Variants in ATP1B3 observed in about 807,000 individuals in gnomAD.
ATP1B3 encodes the protein sodium/potassium-transporting ATPase subunit beta-3.
ATP1B3 carries 10 observed loss-of-function variants against 30.2 expected under a neutral mutation model. The observed-to-expected ratio is 0.33, with a 90% CI of 0.20 to 0.56. The LOEUF (loss-of-function observed/expected upper bound fraction) is 0.56, where lower values mean the gene tolerates loss of function less well. Among genes scored for constraint, ATP1B3 ranks in the 20% least tolerant of loss-of-function variants. ATP1B3 has a pLI of 0.90. For missense variants in ATP1B3, 238 were observed against 336.7 expected (o/e 0.71, Z 2.29); for synonymous variants, 113 against 117.0 (o/e 0.97, Z 0.22).
chr3:141,907,771 G>A (rs1013077048), intron 3 of ATP1B3, among the ~76,000 whole-genome samples: 2 of 152,074 alleles, frequency 1.3e-5, no homozygotes, highest in Non-Finnish European at 2.9e-5. Flanking sequence ...TTGTGAGACT[G>A]TTCTAACTAT....
At chr3:141,882,353 A>G (rs557289763) in intron 1 of ATP1B3, among the ~76,000 whole-genome samples, 13 of 149,710 alleles carry the variant, frequency 8.7e-5, no homozygotes, top group Middle Eastern at 3.4e-3. Context: ...TTTCCTATGT[A>G]TAAATAAGTT....
At chr3:141,877,064 C>CA (rs1162276587) in intron 1 of ATP1B3, among the ~76,000 whole-genome samples, 154 bp downstream of exon 1, 1 of 151,322 alleles carries the variant, frequency 6.6e-6, no homozygotes, top group African/African-American at 2.4e-5. Flanking sequence ...AGTGCGGCCC[C>CA]ATTCATTGCT....
At chr3:141,897,862 A>G (rs1487556456) in intron 1 of ATP1B3, among the ~76,000 whole-genome samples, 1 of 152,124 alleles carries the variant, frequency 6.6e-6, no homozygotes, top group Non-Finnish European at 1.5e-5. Context: ...GGTACATGCT[A>G]CCATGCCCAG....
Position 141,903,611 on chromosome 3 carries a change from C to G in ATP1B3, c.110-9C>G. On this transcript the variant is annotated splice_polypyrimidine_tract_variant and intron_variant, in intron 1 of 6. Coordinates refer to ENST00000286371, the MANE Select transcript of ATP1B3 (RefSeq NM_001679.4). ...GTGCACATTTCATAAGTTTTATTTTCTTTTACAGGTTTGATCTTGCTCTTC... is the reference window on the plus strand; with the variant it reads ...GTGCACATTTCATAAGTTTTATTTTGTTTTACAGGTTTGATCTTGCTCTTC... The G allele has an allele frequency of 6.2e-7, 1 of 1,613,192 alleles. No individual in the cohort carries two copies. The highest frequency in any genetic ancestry group is 8.5e-7 in the Non-Finnish European group (1 of 1,179,406).
chr3:141,902,403 C>T (rs1448029052), intron 1 of ATP1B3, among the ~76,000 whole-genome samples: 2 of 152,074 alleles, frequency 1.3e-5, no homozygotes, highest in African/African-American at 4.8e-5. Flanking sequence ...TTTTGAGAAT[C>T]AGAAGAAAGT....
At chr3:141,922,084 A>G (rs1934573359) in intron 6 of ATP1B3, 21 bp downstream of exon 6, 4 of 1,402,244 alleles carry the variant, frequency 2.9e-6, no homozygotes, top group Non-Finnish European at 4.0e-6. Context: ...AGAAGTTCTT[A>G]TGTGGTGATT....
intron 1 of ATP1B3, among the ~76,000 whole-genome samples, chr3:141,877,272 C>T (rs1316807079): frequency 5.3e-5 from 7 of 131,786 alleles, no homozygotes; most frequent in Admixed American, 2.3e-4. Context: ...GCCGAGCCCC[C>T]GGGCCTCCTT....
chr3:141,887,224 TTTACAAAAA>T (rs747978475), intron 1 of ATP1B3, among the ~76,000 whole-genome samples: 16 of 152,200 alleles, frequency 1.1e-4, no homozygotes, highest in Non-Finnish European at 2.1e-4. Context: ...TAGCATTTTA[TTTACAAAAA>T]TAGCAGCAGC....
intron 1 of ATP1B3, among the ~76,000 whole-genome samples, chr3:141,881,204 C>CG (rs1933718887): frequency 8.5e-6 from 1 of 117,260 alleles, no homozygotes; most frequent in African/African-American, 3.0e-5. Context: ...ACTCCACCTC[C>CG]AAAAAAAAAA....
rs1933603365 is a variant in ATP1B3, at chr3:141,876,833, A to G, written c.32A>G (p.Gln11Arg). ...AAGAACGAGAAGAAGTCCCTCAACC[A>G]GAGCCTGGCCGAGTGGAAGCTCTTC... is the stretch of plus-strand genomic sequence containing the variant. MTKNEKKSLN[Q>R]SLAEWKLFIY... Residue 11 changes from glutamine to arginine, a missense_variant, in exon 1 of 7, where the codon CAG becomes CGG. Physicochemically the swap from Gln to Arg is conservative, Grantham distance 43. Transcript: ENST00000286371. 2 of 1,587,070 alleles carry G rather than the reference A, an allele frequency of 1.3e-6. No individual in the cohort carries two copies. Among genetic ancestry groups the G allele is most frequent in the South Asian group, 1.1e-5 (1 of 89,494 alleles).
chr3:141,877,887 T>C (rs1428248198), intron 1 of ATP1B3, among the ~76,000 whole-genome samples: 2 of 151,676 alleles, frequency 1.3e-5, no homozygotes, highest in East Asian at 3.9e-4. Context: ...TTTTAAATCC[T>C]TTTGAAACAT....
chr3:141,902,964 C>T (rs1341328489), intron 1 of ATP1B3: 2 of 152,138 alleles, frequency 1.3e-5, no homozygotes, highest in Admixed American at 6.5e-5. Context: ...GTCATCCTTG[C>T]ACAAGGGCCA....
chr3:141,921,123 G>A (rs891662094), intron 5 of ATP1B3, among the ~76,000 whole-genome samples: 1 of 151,972 alleles, frequency 6.6e-6, no homozygotes, highest in African/African-American at 2.4e-5. Context: ...ATTTTAACTA[G>A]TGTTCCGTAA....
chr3:141,882,766 CT>C (rs1933753131), intron 1 of ATP1B3, among the ~76,000 whole-genome samples: 1 of 152,064 alleles, frequency 6.6e-6, no homozygotes, highest in African/African-American at 2.4e-5. Context: ...GTATTTTTAG[CT>C]GAGATAGGGT....
At position 141,919,671 on chromosome 3, in the gene ATP1B3, G is replaced by A. The variant is rs191076529; in HGVS notation, c.583-2306G>A. Among the ~76,000 whole-genome samples the A allele has an allele frequency of 4.6e-5, 7 of 152,286 alleles. No individual in the cohort carries two copies. The East Asian group carries it at 1.2e-3, about 25-fold the overall frequency. ...TATGATGCTATTGCCGGACGCGGTG[G>A]CTTTCACCTGTAATTCCAGCACTTT... is the stretch of plus-strand genomic sequence containing the variant. On this transcript the variant is annotated intron_variant, in intron 5 of 6. Coordinates refer to ENST00000286371, the MANE Select transcript of ATP1B3 (RefSeq NM_001679.4).
intron 1 of ATP1B3, among the ~76,000 whole-genome samples, chr3:141,880,813 A>G (rs1403966949): frequency 6.6e-6 from 1 of 152,160 alleles, no homozygotes; most frequent in Non-Finnish European, 1.5e-5. Context: ...CATAGGTGGC[A>G]AAATTAAACC....
intron 1 of ATP1B3, among the ~76,000 whole-genome samples, chr3:141,891,573 A>C (rs1030816587): frequency 1.1e-4 from 16 of 152,144 alleles, no homozygotes; most frequent in Admixed American, 2.0e-4. Context: ...ATTTAAATGT[A>C]TTGAATGGTT....
At chr3:141,895,633 G>T (rs1285258563) in intron 1 of ATP1B3, among the ~76,000 whole-genome samples, 1 of 152,192 alleles carries the variant, frequency 6.6e-6, no homozygotes, top group Non-Finnish European at 1.5e-5. Flanking sequence ...GTTGTTTGCA[G>T]TTTTCAGTGA....
Position 141,925,772 on chromosome 3 carries a change from A to T in ATP1B3, c.*71A>T. 6.5e-7 allele frequency: 1 copy of T among 1,534,454 alleles called. No homozygotes were observed. The highest frequency in any genetic ancestry group is 8.8e-7 in the Non-Finnish European group (1 of 1,135,526). ...TCATTTTGTAACAGCTGGACCTTCC[A>T]TTCTAGAATTATGAGACCACCTTGG... On this transcript the variant is annotated 3_prime_UTR_variant, in exon 7 of 7. Transcript: ENST00000286371.
Sources: gnomAD v4.1 joint callset for allele counts (sites outside exome capture counted in the v4.1 genomes callset) on GRCh38, gnomAD v4.1.1 for gene constraint, MANE v1.5 for transcripts, NCBI Gene and HGNC (gene_info 2026-07-23, HGNC 2026-07-21) for gene names.